The following KIAA0586 variants were observed in gnomAD, a reference collection of about 807,000 sequenced individuals.
KIAA0586 encodes the protein protein TALPID3.
A neutral mutation model predicts 169.8 loss-of-function variants in KIAA0586; 144 were observed. The ratio of observed to expected loss-of-function variants is 0.85; its 90% CI spans 0.74 to 0.97. The LOEUF is 0.97. Among genes scored for constraint, KIAA0586 ranks in the 50% least tolerant of loss-of-function variants. KIAA0586 has a pLI of 0.00. For synonymous variants in KIAA0586, 625 were observed against 612.4 expected, an observed-to-expected ratio of 1.02 and a Z score of -0.30; for missense variants, 1,854 against 1,823.0, an observed-to-expected ratio of 1.02 and a Z score of -0.31.
chr14:58,427,746 T>A lies in KIAA0586; in HGVS notation c.-519T>A, dbSNP rs902099546. ...TGTTGTCAGATTACACCCACGACGG[T>A]GCGGGTCTCGGGCGTTCTGGAGATA... On this transcript the variant is annotated 5_prime_UTR_variant, in exon 1 of 31. Coordinates refer to ENST00000652326, the MANE Select transcript of KIAA0586 (RefSeq NM_001329943.3). 1 of 1,533,522 alleles carries A rather than the reference T, an allele frequency of 6.5e-7. No homozygotes were observed. Among genetic ancestry groups the A allele is most frequent in the Non-Finnish European group, 8.7e-7 (1 of 1,146,322 alleles). The allele number at this position is 1,533,522 out of a possible 1,614,324, so 95.0% of individuals were successfully genotyped here.
intron 7 of KIAA0586, among the ~76,000 whole-genome samples, chr14:58,450,283 G>C (rs2039255403): frequency 6.6e-6 from 1 of 152,072 alleles, no homozygotes; most frequent in Non-Finnish European, 1.5e-5. Context: ...CTTATTGCCA[G>C]ATGGTTTATC....
rs1314869972 is a variant in KIAA0586, at chr14:58,551,054, T to C, written c.*3122T>C. On this transcript the variant is annotated 3_prime_UTR_variant, in exon 31 of 31. Coordinates refer to ENST00000652326, the MANE Select transcript of KIAA0586 (RefSeq NM_001329943.3). ...AAATACAAAAATTAGCCAGGCATGG[T>C]GGCGTGTGCCTGTAATCCCAGCTAC... 1 of 152,056 alleles carries C rather than the reference T, an allele frequency of 6.6e-6. No homozygotes were observed. Among genetic ancestry groups the C allele is most frequent in the Non-Finnish European group, 1.5e-5 (1 of 68,102 alleles). 9.4% of individuals were successfully genotyped at this position (152,056 alleles called of 1,614,324 possible).
chr14:58,462,818 C>T (rs771312792), intron 14 of KIAA0586, among the ~76,000 whole-genome samples: 57 of 151,968 alleles, frequency 3.8e-4, no homozygotes, highest in Non-Finnish European at 7.4e-4. Context: ...AGAGTCATGG[C>T]GAAGGGAAGC....
At chr14:58,530,367 A>G (rs1488779497) in intron 29 of KIAA0586, among the ~76,000 whole-genome samples, 1 of 152,242 alleles carries the variant, frequency 6.6e-6, no homozygotes, top group East Asian at 1.9e-4. Flanking sequence ...GAACCTAAAA[A>G]GAGCCCATAT....
chr14:58,495,019 C>T (rs546230634), intron 26 of KIAA0586, among the ~76,000 whole-genome samples: 9 of 152,264 alleles, frequency 5.9e-5, no homozygotes, highest in South Asian at 2.1e-4. Context: ...TCTTTCCACG[C>T]GTTCCAGTTT....
In KIAA0586 at chr14:58,525,769, G is replaced by A. The variant is rs192413677; in HGVS notation, c.4429+13142G>A. Among the ~76,000 whole-genome samples, 834 of 152,312 alleles carry A rather than the reference G, an allele frequency of 5.5e-3. 7 individuals carry two copies. Among genetic ancestry groups the A allele is most frequent in the Non-Finnish European group, 4.9e-3 (330 of 68,038 alleles). ...AGGGAGCCAAGTGGTCTACCTCAGCGGATTCCACTGCCACGGAACCCAGCA... is the reference window on the plus strand; with the variant it reads ...AGGGAGCCAAGTGGTCTACCTCAGCAGATTCCACTGCCACGGAACCCAGCA... On this transcript the variant is annotated intron_variant, in intron 29 of 30. Coordinates refer to ENST00000652326, the MANE Select transcript of KIAA0586 (RefSeq NM_001329943.3).
rs1279442186 is a variant in KIAA0586, at chr14:58,512,584, A to G, written c.4386A>G (p.Leu1462=). ...QVEHKPSQSY[L]RVRNKSDIAP... ...AACACAAACCATCACAAAGTTACCT[A>G]CGTGTTAGAAATAAATCTGATATTG... Residue 1462 remains leucine (L), a synonymous_variant, in exon 29 of 31, where the codon CTA becomes CTG. Transcript: ENST00000652326. 5 of 1,542,536 alleles carry G rather than the reference A, an allele frequency of 3.2e-6. No individual in the cohort carries two copies. Among genetic ancestry groups the G allele is most frequent in the Non-Finnish European group, 4.3e-6 (5 of 1,152,726 alleles).
At chr14:58,515,558 AG>A (rs2044692369) in intron 29 of KIAA0586, among the ~76,000 whole-genome samples, 3 of 152,274 alleles carry the variant, frequency 2.0e-5, no homozygotes, top group Admixed American at 6.5e-5. Flanking sequence ...AAATTACAAT[AG>A]CTATCAGAAC....
intron 9 of KIAA0586, among the ~76,000 whole-genome samples, chr14:58,454,027 CATGTA>C (rs2039618378): frequency 1.3e-5 from 2 of 152,124 alleles, no homozygotes; most frequent in African/African-American, 4.8e-5. Context: ...AGTCTATTTA[CATGTA>C]ATGTAATTAC....
At chr14:58,440,129 T>C (rs1159981941) in intron 4 of KIAA0586, 5 of 418,092 alleles carry the variant, frequency 1.2e-5, no homozygotes, top group Admixed American at 2.6e-5. Flanking sequence ...GCAGTCTTCC[T>C]GCCTCAGCCT....
chr14:58,430,971 A>G (rs377657968), intron 3 of KIAA0586, among the ~76,000 whole-genome samples: 12 of 152,316 alleles, frequency 7.9e-5, no homozygotes, highest in East Asian at 7.7e-4. Context: ...GGTACGTTAT[A>G]TAAGTAGAAT....
At chr14:58,543,857 T>G (rs1337122856) in intron 30 of KIAA0586, 1 of 451,784 alleles carries the variant, frequency 2.2e-6, no homozygotes, top group South Asian at 1.6e-5. Context: ...GATTTTTACC[T>G]CTTTTTTTTT....
chr14:58,472,970 A>G (rs190278092), intron 18 of KIAA0586, among the ~76,000 whole-genome samples: 1 of 143,930 alleles, frequency 6.9e-6, no homozygotes. Flanking sequence ...TGAGTGCCAC[A>G]TGAGAATTTT....
At chr14:58,516,262 A>G (rs951918066) in intron 29 of KIAA0586, among the ~76,000 whole-genome samples, 1 of 152,158 alleles carries the variant, frequency 6.6e-6, no homozygotes, top group Admixed American at 6.6e-5. Flanking sequence ...GAATGAGAGG[A>G]GTGGCTGTCA....
chr14:58,551,645 C>T (rs1034564092), downstream of KIAA0586, among the ~76,000 whole-genome samples: 1 of 152,022 alleles, frequency 6.6e-6, no homozygotes, highest in African/African-American at 2.4e-5. Flanking sequence ...GCCTGTAGTC[C>T]CAGCTACTTG....
chr14:58,552,441 A>G (rs1304170643), downstream of KIAA0586, among the ~76,000 whole-genome samples: 2 of 152,162 alleles, frequency 1.3e-5, no homozygotes, highest in Non-Finnish European at 2.9e-5. Context: ...AGGCCTGTAA[A>G]TATTGTAAAG....
chr14:58,467,525 G>A (rs1367024274), intron 15 of KIAA0586, among the ~76,000 whole-genome samples: 2 of 152,300 alleles, frequency 1.3e-5, no homozygotes, highest in Non-Finnish European at 2.9e-5. Context: ...AAATTAGATA[G>A]TGATGTGAAG....
intron 26 of KIAA0586, among the ~76,000 whole-genome samples, chr14:58,495,173 C>T (rs942538249): frequency 2.6e-5 from 4 of 152,038 alleles, no homozygotes; most frequent in Non-Finnish European, 5.9e-5. Context: ...CCTGGCTAGA[C>T]CAGCAATGCA....
intron 29 of KIAA0586, among the ~76,000 whole-genome samples, chr14:58,537,902 C>G (rs1374172653): frequency 1.3e-5 from 2 of 152,194 alleles, no homozygotes; most frequent in African/African-American, 2.4e-5. Context: ...CCACCTTGGC[C>G]TCCCAAAGTG....
Sources: allele counts gnomAD v4.1 joint callset (sites outside exome capture counted in the v4.1 genomes callset), GRCh38; gene constraint gnomAD v4.1.1; transcripts MANE v1.5; gene names NCBI Gene and HGNC (gene_info 2026-07-23, HGNC 2026-07-21).